Variants in WIPF1 observed in about 807,000 individuals in gnomAD.
The protein encoded by WIPF1 is WAS/WASL interacting protein family member 1.
In WIPF1, 13 loss-of-function variants were observed where a neutral mutation model predicts 35.4. That is an observed-to-expected ratio of 0.37 (90% CI 0.24 to 0.58). The LOEUF is 0.58. WIPF1 is among the 20% of genes least tolerant of loss of function. WIPF1 has a pLI of 0.74. For missense variants in WIPF1, 591 were observed against 667.0 expected, an observed-to-expected ratio of 0.89 and a Z score of 1.25; for synonymous variants, 267 against 266.3, an observed-to-expected ratio of 1.00 and a Z score of -0.02.
At chr2:174,610,359 G>C (rs1418985299) in intron 1 of WIPF1, among the ~76,000 whole-genome samples, 1 of 152,030 alleles carries the variant, frequency 6.6e-6, no homozygotes, top group Admixed American at 6.5e-5. Context: ...CCAAAGACTT[G>C]GACCATTTCA....
At chr2:174,662,269 A>G (rs1395213390) in intron 1 of WIPF1, among the ~76,000 whole-genome samples, 2 of 152,254 alleles carry the variant, frequency 1.3e-5, no homozygotes, top group Non-Finnish European at 2.9e-5. Context: ...TAGAATGTCC[A>G]TACATGTTCA....
chr2:174,571,792 T>C lies in WIPF1; in HGVS notation c.1013A>G (p.Asn338Ser). Residue 338 changes from asparagine to serine, a missense_variant, in exon 5 of 8, where the codon AAT (asparagine) becomes AGT (serine). Transcript: ENST00000679041. This position sits in a 1 kb window ranked among gnomAD's most constrained non-coding sequence, Gnocchi z 4.6. The part of the protein sequence containing the change: ...NDETPRLPQR[N>S]LSLSSSTPPL... ...GGGCGTGGACGAACTGAGGGACAGA[T>C]TCCGCTGTGGGAGTCTTGGGGTTTC... is the stretch of plus-strand genomic sequence containing the variant. 1 of 1,614,178 alleles carries C rather than the reference T, an allele frequency of 6.2e-7. No homozygotes were observed. The highest frequency in any genetic ancestry group is 8.5e-7 in the Non-Finnish European group (1 of 1,180,022).
intron 5 of WIPF1, among the ~76,000 whole-genome samples, chr2:174,569,539 T>C (rs2105800621): frequency 6.6e-6 from 1 of 152,312 alleles, no homozygotes; most frequent in Admixed American, 6.5e-5. Flanking sequence ...AAGTAAATGG[T>C]CATGTTCATG....
chr2:174,562,676 T>C lies in WIPF1; in HGVS notation c.1457-74A>G, dbSNP rs1684519214. On this transcript the variant is annotated intron_variant, in intron 7 of 7. Coordinates refer to ENST00000679041, the MANE Select transcript of WIPF1 (RefSeq NM_001375834.1). ...TCTCATCGTGGAAACTCGGGGATGG[T>C]TGCACGGGTACCCACTACCTCATCC... 1.9e-6 allele frequency: 3 copies of C among 1,574,240 alleles called. No homozygotes were observed. The East Asian group carries it at 6.9e-5, about 36-fold the overall frequency.
chr2:174,670,954 A>G (rs1437751347), intron 1 of WIPF1, among the ~76,000 whole-genome samples: 2 of 152,252 alleles, frequency 1.3e-5, no homozygotes, highest in Non-Finnish European at 2.9e-5. Context: ...AAAGGCTGAC[A>G]CATACTGACA....
rs557891578 is a variant in WIPF1, at chr2:174,629,467, A to G, written c.-38-43856T>C. Among the ~76,000 whole-genome samples the G allele has an allele frequency of 2.0e-4, 30 of 152,342 alleles. 1 individual carries two copies. The highest frequency in any genetic ancestry group is 7.2e-4 in the African/African-American group (30 of 41,574). ...GGAAGCATGCTGTCCATGTAGGTAA[A>G]TTCTGCCCTGAGCTTTCACAAGGTG... On this transcript the variant is annotated intron_variant, in intron 1 of 8. Transcript: ENST00000272746.
intron 1 of WIPF1, among the ~76,000 whole-genome samples, chr2:174,664,180 A>G (rs762216304): frequency 2.0e-5 from 3 of 152,150 alleles, no homozygotes; most frequent in Non-Finnish European, 4.4e-5. Flanking sequence ...GAAGGGCTTC[A>G]ATCTAATTTA....
intron 1 of WIPF1, among the ~76,000 whole-genome samples, chr2:174,681,668 A>AG (rs1688247085): frequency 6.6e-6 from 1 of 152,136 alleles, no homozygotes. Flanking sequence ...GGCTACACGC[A>AG]GCCAGGGATG....
At chr2:174,659,223 C>T (rs1687707631) in intron 1 of WIPF1, among the ~76,000 whole-genome samples, 1 of 152,168 alleles carries the variant, frequency 6.6e-6, no homozygotes, top group Non-Finnish European at 1.5e-5. Context: ...CTACCTCAGC[C>T]TCCTGAGTGT....
At chr2:174,619,885 G>A (rs1686621781) in intron 1 of WIPF1, among the ~76,000 whole-genome samples, 1 of 151,276 alleles carries the variant, frequency 6.6e-6, no homozygotes, top group Admixed American at 6.6e-5. Flanking sequence ...GACGTTGCAA[G>A]AAGCCATGAC....
intron 1 of WIPF1, among the ~76,000 whole-genome samples, chr2:174,614,731 G>A (rs965327471): frequency 6.6e-5 from 10 of 152,164 alleles, no homozygotes; most frequent in African/African-American, 2.4e-4. Flanking sequence ...AAGTACAAAG[G>A]CTTCTGTATA....
chr2:174,676,564 C>A (rs1343499350), intron 1 of WIPF1: 2 of 152,018 alleles, frequency 1.3e-5, no homozygotes, highest in African/African-American at 4.8e-5. Flanking sequence ...CCTTGGCCTC[C>A]CAAAGTGCTG....
intron 1 of WIPF1, among the ~76,000 whole-genome samples, chr2:174,607,910 G>C (rs1245415688): frequency 6.6e-6 from 1 of 152,178 alleles, no homozygotes; most frequent in Non-Finnish European, 1.5e-5. Flanking sequence ...TCTAAGTTTA[G>C]TTCTAACTTT....
chr2:174,592,797 G>C (rs889224794), intron 1 of WIPF1, among the ~76,000 whole-genome samples: 1 of 151,852 alleles, frequency 6.6e-6, no homozygotes, highest in South Asian at 2.1e-4. Flanking sequence ...GTAGAGATGG[G>C]GTTTCACCAT....
At chr2:174,659,482 A>G (rs1314142109) in intron 1 of WIPF1, among the ~76,000 whole-genome samples, 1 of 152,230 alleles carries the variant, frequency 6.6e-6, no homozygotes, top group Non-Finnish European at 1.5e-5. Flanking sequence ...GAGTAATGGT[A>G]TACGAGTGCT....
chr2:174,668,777 A>G (rs1284194244), intron 1 of WIPF1, among the ~76,000 whole-genome samples: 2 of 152,260 alleles, frequency 1.3e-5, no homozygotes, highest in Non-Finnish European at 2.9e-5. Context: ...ACAGAGGGAC[A>G]TGAACAACAC....
At chr2:174,667,184 G>GGGA (rs1687910813) in intron 1 of WIPF1, among the ~76,000 whole-genome samples, 1 of 152,234 alleles carries the variant, frequency 6.6e-6, no homozygotes. Flanking sequence ...GAGGCCCGAA[G>GGGA]GGAGGGAAGG....
chr2:174,576,704 TC>T (rs1685076065), intron 3 of WIPF1, among the ~76,000 whole-genome samples: 1 of 152,208 alleles, frequency 6.6e-6, no homozygotes, highest in African/African-American at 2.4e-5. Flanking sequence ...CTTTCCATTG[TC>T]TTTGAGCCAC....
At chr2:174,574,686 CAG>C in intron 4 of WIPF1, 1 of 589,854 alleles carries the variant, frequency 1.7e-6, no homozygotes, top group South Asian at 2.2e-5. Flanking sequence ...TGGCTCCCTG[CAG>C]AGACTCCTGA....
Sources: allele counts gnomAD v4.1 joint callset (sites outside exome capture counted in the v4.1 genomes callset), GRCh38; gene constraint gnomAD v4.1.1; non-coding constraint Gnocchi (gnomAD v3.1); transcripts MANE v1.5; gene names NCBI Gene and HGNC (gene_info 2026-07-23, HGNC 2026-07-21).